PPCDC: variants seen among roughly 807,000 people sequenced by gnomAD.
PPCDC encodes phosphopantothenoylcysteine decarboxylase.
A neutral mutation model predicts 20.7 loss-of-function variants in PPCDC; 20 were observed. The observed-to-expected ratio is 0.97, with a 90% CI of 0.68 to 1.41. PPCDC has a LOEUF of 1.41. Ranked by LOEUF, PPCDC falls within the 40% of genes most tolerant of loss-of-function variation. PPCDC has a pLI of 0.00. For missense variants in PPCDC, 246 were observed against 263.8 expected (o/e 0.93, Z 0.47); for synonymous variants, 88 against 100.3 (o/e 0.88, Z 0.73).
intron 2 of PPCDC, among the ~76,000 whole-genome samples, chr15:75,031,695 C>T (rs1002182350): frequency 3.3e-5 from 5 of 152,128 alleles, no homozygotes; most frequent in African/African-American, 1.2e-4. Context: ...CAGAGCAAGA[C>T]TCCATCTCAA....
At chr15:75,045,577 T>TACA (rs1188898907) in intron 4 of PPCDC, among the ~76,000 whole-genome samples, 1 of 152,170 alleles carries the variant, frequency 6.6e-6, no homozygotes. Flanking sequence ...GGTCACAGAT[T>TACA]AGTGTTCTTG....
At chr15:75,029,110 TG>T (rs1567046939) in intron 2 of PPCDC, among the ~76,000 whole-genome samples, 1 of 151,926 alleles carries the variant, frequency 6.6e-6, no homozygotes, top group East Asian at 1.9e-4. Context: ...TAACAGGGAG[TG>T]GCCCCACTTC....
At chr15:75,031,745 A>G (rs771017701) in intron 2 of PPCDC, among the ~76,000 whole-genome samples, 35 of 152,280 alleles carry the variant, frequency 2.3e-4, no homozygotes, top group Non-Finnish European at 3.8e-4. Flanking sequence ...GGAGAAAACC[A>G]TATTTAGTTA....
intron 2 of PPCDC, among the ~76,000 whole-genome samples, chr15:75,035,550 T>C (rs748537565): frequency 2.0e-5 from 3 of 152,194 alleles, no homozygotes; most frequent in Non-Finnish European, 4.4e-5. Context: ...ACTTGCCAAC[T>C]GGTTTCGGGA....
At chr15:75,027,815 C>T (rs895571291) in intron 1 of PPCDC, among the ~76,000 whole-genome samples, 1 of 152,184 alleles carries the variant, frequency 6.6e-6, no homozygotes, top group South Asian at 2.1e-4. Context: ...TACCACCCCC[C>T]ATCACAGTCC....
intron 5 of PPCDC, 135 bp downstream of exon 5, chr15:75,048,856 T>C (rs543955940): frequency 1.6e-6 from 2 of 1,241,656 alleles, no homozygotes; most frequent in African/African-American, 1.5e-5. Flanking sequence ...AGCTGGAAAA[T>C]GGGAATCGTA....
intron 2 of PPCDC, among the ~76,000 whole-genome samples, chr15:75,031,860 G>T (rs2066025450): frequency 6.6e-6 from 1 of 152,146 alleles, no homozygotes; most frequent in Admixed American, 6.5e-5. Context: ...GGGGCTTGGG[G>T]CTTCTGGGGG....
At chr15:75,039,411 C>T (rs1273166793) in intron 2 of PPCDC, among the ~76,000 whole-genome samples, 1 of 152,206 alleles carries the variant, frequency 6.6e-6, no homozygotes, top group Non-Finnish European at 1.5e-5. Context: ...TGCTCCAGGA[C>T]TCCTTTGACC....
chr15:75,027,392 G>A (rs1227771352), intron 1 of PPCDC, among the ~76,000 whole-genome samples: 1 of 152,160 alleles, frequency 6.6e-6, no homozygotes, highest in African/African-American at 2.4e-5. Flanking sequence ...AGCAACGTCT[G>A]AGAGCCAGAG....
rs190582316 is a variant in PPCDC, at chr15:75,042,191, G to C, written c.136-1250G>C. ...ATAGCTCTGGCTGGTTGATGGTTCT[G>C]TCCTTGTCACCCTTGACTTTTCTTT... On this transcript the variant is annotated intron_variant, in intron 2 of 5. Coordinates refer to ENST00000342932, the MANE Select transcript of PPCDC (RefSeq NM_021823.5). Among the ~76,000 whole-genome samples, 91 of 152,314 alleles carry C rather than the reference G, an allele frequency of 6.0e-4. No individual in the cohort carries two copies. In the Middle Eastern group the frequency reaches 0.014, roughly 23 times the overall value.
chr15:75,034,226 A>G (rs534029679), intron 2 of PPCDC, among the ~76,000 whole-genome samples: 4 of 152,308 alleles, frequency 2.6e-5, no homozygotes, highest in African/African-American at 4.8e-5. Flanking sequence ...GGGTCCTATC[A>G]GTGAGTGAAT....
intron 4 of PPCDC, among the ~76,000 whole-genome samples, chr15:75,046,925 G>A (rs764249576): frequency 6.6e-6 from 1 of 152,288 alleles, no homozygotes; most frequent in African/African-American, 2.4e-5. Context: ...CACCAGTCTG[G>A]CTAGGAGCTG....
chr15:75,040,934 G>A (rs1054658744), intron 2 of PPCDC, among the ~76,000 whole-genome samples: 5 of 152,226 alleles, frequency 3.3e-5, no homozygotes, highest in African/African-American at 1.2e-4. Flanking sequence ...AAAGTGCTGG[G>A]ATTACAGGCA....
chr15:75,036,155 G>A (rs1226435593), intron 2 of PPCDC, among the ~76,000 whole-genome samples: 1 of 152,146 alleles, frequency 6.6e-6, no homozygotes, highest in African/African-American at 2.4e-5. Context: ...GGGAGTTTCT[G>A]CCCTGCCAGG....
intron 2 of PPCDC, among the ~76,000 whole-genome samples, chr15:75,029,112 G>A (rs947466314): frequency 1.3e-5 from 2 of 152,092 alleles, no homozygotes; most frequent in African/African-American, 4.8e-5. Flanking sequence ...ACAGGGAGTG[G>A]CCCCACTTCC....
At chr15:75,030,230 T>C (rs1403345051) in intron 2 of PPCDC, among the ~76,000 whole-genome samples, 1 of 152,118 alleles carries the variant, frequency 6.6e-6, no homozygotes, top group Non-Finnish European at 1.5e-5. Flanking sequence ...TCCCCCAGAC[T>C]CTTGTCAGGC....
rs1231018780 is a variant in PPCDC at position 75,036,407 on chromosome 15, CT to C, written c.136-7033del. 2.6e-5 allele frequency among the ~76,000 whole-genome samples: 4 copies of C among 152,348 alleles called. No individual in the cohort carries two copies. The East Asian group carries it at 7.7e-4, about 29-fold the overall frequency. On this transcript the variant is annotated intron_variant, in intron 2 of 5. Coordinates refer to ENST00000342932, the MANE Select transcript of PPCDC (RefSeq NM_021823.5). ...TAAAACCAGAAAAACTAGTCTGGGC[CT>C]GCTAGACAGCACTGGGGTCAGTCAG...
chr15:75,038,493 A>G (rs1246063221), intron 2 of PPCDC, among the ~76,000 whole-genome samples: 1 of 152,206 alleles, frequency 6.6e-6, no homozygotes, highest in African/African-American at 2.4e-5. Context: ...GCTCAGATAC[A>G]GCCTGGCGCT....
chr15:75,034,916 C>G (rs2066067316), intron 2 of PPCDC, among the ~76,000 whole-genome samples: 1 of 152,160 alleles, frequency 6.6e-6, no homozygotes, highest in South Asian at 2.1e-4. Flanking sequence ...TATGCCAGAG[C>G]TGTGCTATCT....
Sources: gnomAD v4.1 joint callset for allele counts (sites outside exome capture counted in the v4.1 genomes callset) on GRCh38, gnomAD v4.1.1 for gene constraint, MANE v1.5 for transcripts, NCBI Gene and HGNC (gene_info 2026-07-23, HGNC 2026-07-21) for gene names.